The following MED4 variants were observed in gnomAD, a reference collection of about 807,000 sequenced individuals.
MED4 encodes the protein mediator complex subunit 4.
In MED4, 21 loss-of-function variants were observed where a neutral mutation model predicts 35.0. That is an observed-to-expected ratio of 0.60 (90% CI 0.43 to 0.86). The LOEUF (loss-of-function observed/expected upper bound fraction) is 0.86. Ranked by LOEUF, MED4 falls within the 40% of genes least tolerant of loss-of-function variation. MED4 has a pLI of 0.00. For missense variants in MED4, 300 were observed against 319.4 expected, an observed-to-expected ratio of 0.94 and a Z score of 0.46; for synonymous variants, 138 against 114.0, an observed-to-expected ratio of 1.21 and a Z score of -1.34.
chr13:48,080,117 C>A, intron 5 of MED4, 142 bp from the exon 6 acceptor site: 1 of 905,710 alleles, frequency 1.1e-6, no homozygotes, highest in Admixed American at 2.7e-5. Context: ...AGTCATCTGG[C>A]CAGGTGCAGT....
chr13:48,086,255 C>G lies in MED4; in HGVS notation c.363+27G>C. 5 of 1,605,242 alleles carry G rather than the reference C, an allele frequency of 3.1e-6. No individual in the cohort carries two copies. The South Asian group carries it at 5.5e-5, about 18-fold the overall frequency. On this transcript the variant is annotated intron_variant, in intron 3 of 6. Transcript: ENST00000258648. ...CAGATTAAACAACATCCTTTTTAAC[C>G]TTAAGAACCAACCTCTGTCAACTTA...
intron 1 of MED4, chr13:48,093,450 G>A (rs1268171658): frequency 3.3e-6 from 1 of 305,478 alleles, no homozygotes. Flanking sequence ...AGGTATATTC[G>A]TGATTTTTCT....
At chr13:48,077,351 T>A (rs745355848) in intron 6 of MED4, 40 bp from the exon 7 acceptor site, 1 of 1,377,112 alleles carries the variant, frequency 7.3e-7, no homozygotes, top group South Asian at 1.7e-5. Flanking sequence ...CAGCTCTATC[T>A]GTAATTAATC....
intron 2 of MED4, among the ~76,000 whole-genome samples, chr13:48,088,568 A>G (rs897493763): frequency 2.0e-5 from 3 of 152,246 alleles, no homozygotes; most frequent in Non-Finnish European, 4.4e-5. Context: ...AGTACACAGT[A>G]GTTCCCTGAC....
At chr13:48,092,528 G>A (rs1398546013) in intron 1 of MED4, among the ~76,000 whole-genome samples, 2 of 152,176 alleles carry the variant, frequency 1.3e-5, no homozygotes, top group African/African-American at 4.8e-5. Context: ...GACTGTAAGA[G>A]GGCCAGAACA....
chr13:48,088,643 C>A (rs1235920004), intron 2 of MED4, among the ~76,000 whole-genome samples: 1 of 152,114 alleles, frequency 6.6e-6, no homozygotes, highest in Non-Finnish European at 1.5e-5. Context: ...AAAATATTCT[C>A]TTTAGATCTT....
intron 2 of MED4, among the ~76,000 whole-genome samples, 183 bp downstream of exon 2, chr13:48,090,166 CTGT>C (rs1345676493): frequency 1.3e-5 from 2 of 152,070 alleles, no homozygotes; most frequent in African/African-American, 4.8e-5. Flanking sequence ...CTTAAGCGCA[CTGT>C]TATCTTAAGT....
At chr13:48,094,661 C>T (rs1950914368) in intron 1 of MED4, among the ~76,000 whole-genome samples, 2 of 152,154 alleles carry the variant, frequency 1.3e-5, no homozygotes, top group African/African-American at 2.4e-5. Flanking sequence ...CTACCGTCTC[C>T]CCAATGCTGA....
chr13:48,078,229 C>A (rs1344541937), intron 6 of MED4, among the ~76,000 whole-genome samples: 1 of 152,194 alleles, frequency 6.6e-6, no homozygotes, highest in East Asian at 1.9e-4. Context: ...ATGGTATTAA[C>A]TAGAAAGGTA....
In MED4 at chr13:48,077,193, A is replaced by T. The variant is rs146226547; in HGVS notation, c.759T>A (p.Asp253Glu). 2.6e-3 allele frequency: 4,118 copies of T among 1,608,846 alleles called. 16 individuals carry two copies. Among genetic ancestry groups the T allele is most frequent in the Non-Finnish European group, 2.4e-3 (2,814 of 1,178,344 alleles). The change falls in exon 7 of 7, where the codon GAT becomes GAA. Residue 253 changes from aspartate to glutamate, a missense_variant. By Grantham distance (45) the Asp-to-Glu change is conservative. Coordinates refer to ENST00000258648, the MANE Select transcript of MED4 (RefSeq NM_014166.4). The part of the protein sequence containing the change: ...EPPGHNKENE[D>E]DVEIMSTDSS... ...AGTCCGTTGACATAATCTCTACATCATCTTCATTTTCTTTATTATGCCCAG... is the reference window on the plus strand; with the variant it reads ...AGTCCGTTGACATAATCTCTACATCTTCTTCATTTTCTTTATTATGCCCAG...
chr13:48,083,275 C>A, intron 4 of MED4, 96 bp downstream of exon 4: 1 of 951,348 alleles, frequency 1.1e-6, no homozygotes, highest in South Asian at 1.6e-5. Flanking sequence ...ATCTTTTCAA[C>A]AGCAGCAAAT....
intron 1 of MED4, among the ~76,000 whole-genome samples, chr13:48,092,018 A>G (rs1039640295): frequency 3.3e-5 from 5 of 152,194 alleles, no homozygotes; most frequent in Admixed American, 2.0e-4. Context: ...GGGGAGAGGA[A>G]AGCAAAGTGA....
intron 1 of MED4, among the ~76,000 whole-genome samples, chr13:48,092,501 G>A (rs1448051204): frequency 6.6e-6 from 1 of 152,198 alleles, no homozygotes; most frequent in Non-Finnish European, 1.5e-5. Flanking sequence ...AAAAACTGTT[G>A]AGTGATCTGG....
At chr13:48,090,494 G>T (rs534029240) in intron 1 of MED4, 76 bp from the exon 2 acceptor site, 12 of 1,127,720 alleles carry the variant, frequency 1.1e-5, no homozygotes, top group Non-Finnish European at 1.3e-5. Flanking sequence ...CCTACAGTCC[G>T]CTATTGACTG....
intron 2 of MED4, among the ~76,000 whole-genome samples, 190 bp downstream of exon 2, chr13:48,090,162 C>T (rs888551524): frequency 2.0e-5 from 3 of 152,024 alleles, no homozygotes; most frequent in African/African-American, 4.8e-5. Flanking sequence ...TCTTCTTAAG[C>T]GCACTGTTAT....
chr13:48,079,953 T>C lies in MED4; in HGVS notation c.531A>G (p.Pro177=), dbSNP rs149158920. Residue 177 remains proline, a synonymous_variant, in exon 6 of 7, where the codon CCA becomes CCG. Coordinates refer to ENST00000258648, the MANE Select transcript of MED4 (RefSeq NM_014166.4). ...WVPGDPRRPY[P]TDLEMRSGLL... ...ACCCACTTCTCATCTCTAAATCAGT[T>C]GGGTAGGGTCTCCGGGGGTCCCCTA... is the stretch of plus-strand genomic sequence containing the variant. 7.0e-4 allele frequency: 1,129 copies of C among 1,613,884 alleles called. 12 individuals carry two copies. The highest frequency in any genetic ancestry group is 1.7e-4 in the Middle Eastern group (1 of 6,060).
At position 48,095,092 on chromosome 13, in the gene MED4, C is replaced by T. The variant is rs747314135; in HGVS notation, c.-14G>A. On this transcript the variant is annotated 5_prime_UTR_variant, in exon 1 of 7. Coordinates refer to ENST00000258648, the MANE Select transcript of MED4 (RefSeq NM_014166.4). ...AGACGCAGCCATTTTCCCCAGAGTC[C>T]CGCCACCGGCGCACGCGCAGAGCGA... The T allele has an allele frequency of 1.2e-5, 20 of 1,601,140 alleles. No homozygotes were observed. Among genetic ancestry groups the T allele is most frequent in the Non-Finnish European group, 1.4e-5 (17 of 1,179,650 alleles).
intron 6 of MED4, 95 bp downstream of exon 6, chr13:48,079,749 G>A (rs1339674192): frequency 3.6e-5 from 51 of 1,435,760 alleles, no homozygotes; most frequent in East Asian, 1.9e-4. Context: ...AAATTGTGTC[G>A]GGAATCTCAA....
chr13:48,085,898 T>C (rs1262556803), intron 3 of MED4, among the ~76,000 whole-genome samples: 1 of 150,034 alleles, frequency 6.7e-6, no homozygotes, highest in Non-Finnish European at 1.5e-5. Flanking sequence ...TTTCAAAATA[T>C]ATAAAAAATG....
Sources: allele counts gnomAD v4.1 joint callset (sites outside exome capture counted in the v4.1 genomes callset), GRCh38; gene constraint gnomAD v4.1.1; transcripts MANE v1.5; gene names NCBI Gene and HGNC (gene_info 2026-07-23, HGNC 2026-07-21).